Variants in ZFHX3 observed in about 807,000 individuals in gnomAD.
The protein encoded by ZFHX3 is zinc finger homeobox protein 3.
ZFHX3 carries 42 observed loss-of-function variants against 279.1 expected under a neutral mutation model. The observed-to-expected ratio is 0.15, with a 90% CI of 0.12 to 0.19. The LOEUF (loss-of-function observed/expected upper bound fraction) is 0.19, where lower values mean the gene tolerates loss of function less well. ZFHX3 is among the 10% of genes least tolerant of loss of function. The pLI is 1.00. For missense variants in ZFHX3, 4,981 were observed against 4,754.0 expected, an observed-to-expected ratio of 1.05 and a Z score of -1.40; for synonymous variants, 2,293 against 1,957.8, an observed-to-expected ratio of 1.17 and a Z score of -4.52.
chr16:72,975,832 G>A (rs375146206), intron 1 of ZFHX3, among the ~76,000 whole-genome samples: 12 of 152,272 alleles, frequency 7.9e-5, no homozygotes, highest in South Asian at 2.1e-4. Flanking sequence ...CCAATGCTGC[G>A]TTTGGGTCAA....
chr16:73,768,806 TA>T (rs2053983681), intron 1 of ZFHX3, among the ~76,000 whole-genome samples: 1 of 152,138 alleles, frequency 6.6e-6, no homozygotes, highest in Admixed American at 6.5e-5. Context: ...AAGTGATGAG[TA>T]GTGGCGACCT....
chr16:73,179,961 T>C (rs1192406795), intron 5 of ZFHX3, among the ~76,000 whole-genome samples: 2 of 151,996 alleles, frequency 1.3e-5, no homozygotes, highest in Non-Finnish European at 2.9e-5. Flanking sequence ...TCGGGCACAA[T>C]GAGGGGAAAA....
At chr16:72,823,596 T>C (rs2036855272) in intron 5 of ZFHX3, among the ~76,000 whole-genome samples, 2 of 152,222 alleles carry the variant, frequency 1.3e-5, no homozygotes, top group Non-Finnish European at 2.9e-5. Context: ...GAGAAAGCCT[T>C]GAGCCTTTTA....
At chr16:73,248,219 T>C (rs1249156613) in intron 5 of ZFHX3, among the ~76,000 whole-genome samples, 1 of 151,944 alleles carries the variant, frequency 6.6e-6, no homozygotes, top group African/African-American at 2.4e-5. Flanking sequence ...TATATGTGTG[T>C]GTGTATACTG....
At chr16:73,468,105 T>C (rs2018603443) in intron 2 of ZFHX3, among the ~76,000 whole-genome samples, 1 of 152,218 alleles carries the variant, frequency 6.6e-6, no homozygotes, top group Non-Finnish European at 1.5e-5. Flanking sequence ...AACAACTGAC[T>C]TAAACAAGAT....
intron 2 of ZFHX3, among the ~76,000 whole-genome samples, chr16:73,525,586 G>T (rs946141245): frequency 6.6e-6 from 1 of 151,974 alleles, no homozygotes; most frequent in Non-Finnish European, 1.5e-5. Flanking sequence ...TTGGTACAAG[G>T]GTACAATTTT....
intron 6 of ZFHX3, among the ~76,000 whole-genome samples, chr16:73,142,222 C>T (rs1196354016): frequency 6.6e-6 from 1 of 152,220 alleles, no homozygotes; most frequent in Non-Finnish European, 1.5e-5. Flanking sequence ...GACCTTGTGC[C>T]TCTGGCCTTT....
intron 5 of ZFHX3, among the ~76,000 whole-genome samples, chr16:73,170,127 G>A (rs1340865305): frequency 6.7e-6 from 1 of 150,266 alleles, no homozygotes. Context: ...GATTATTAAT[G>A]TCCTGATGCT....
intron 3 of ZFHX3, among the ~76,000 whole-genome samples, chr16:73,409,859 A>C (rs1413131535): frequency 2.0e-5 from 3 of 152,208 alleles, no homozygotes; most frequent in Non-Finnish European, 4.4e-5. Flanking sequence ...AGCCAGGAAC[A>C]GAAAGACAAA....
intron 3 of ZFHX3, among the ~76,000 whole-genome samples, chr16:72,891,835 G>C (rs532303123): frequency 6.6e-6 from 1 of 152,212 alleles, no homozygotes; most frequent in Non-Finnish European, 1.5e-5. Context: ...AGCCATGGCA[G>C]GCACACAACA....
chr16:73,459,768 C>T (rs963351304), intron 2 of ZFHX3, among the ~76,000 whole-genome samples: 1 of 152,116 alleles, frequency 6.6e-6, no homozygotes, highest in African/African-American at 2.4e-5. Flanking sequence ...GCGCCTTCCT[C>T]ACAAGGTGGC....
Position 72,904,417 on chromosome 16 carries a change from A to C in ZFHX3, c.3217-14455T>G, listed in dbSNP as rs564586251. Among the ~76,000 whole-genome samples, 295 of 148,826 alleles carry C rather than the reference A, an allele frequency of 2.0e-3. 1 individual carries two copies. Among genetic ancestry groups the C allele is most frequent in the African/African-American group, 7.1e-3 (284 of 39,756 alleles). On this transcript the variant is annotated intron_variant, in intron 3 of 9. Transcript: ENST00000268489. ...AAATAAATAAATAAATAAATAAATA[A>C]ATAAAAATTGTGGGCTGAAAGTTTG...
At chr16:72,827,377 T>A (rs143233771) in intron 5 of ZFHX3, among the ~76,000 whole-genome samples, 2 of 152,224 alleles carry the variant, frequency 1.3e-5, no homozygotes, top group Non-Finnish European at 2.9e-5. Context: ...CCTACAGAAA[T>A]AGGTACTATT....
chr16:72,840,269 A>C (rs2037312502), intron 4 of ZFHX3, among the ~76,000 whole-genome samples: 1 of 152,230 alleles, frequency 6.6e-6, no homozygotes, highest in Non-Finnish European at 1.5e-5. Flanking sequence ...AACAGGATGT[A>C]CCAGAACTGA....
intron 2 of ZFHX3, among the ~76,000 whole-genome samples, chr16:73,635,128 G>C (rs1033152139): frequency 1.3e-5 from 2 of 152,082 alleles, no homozygotes; most frequent in African/African-American, 4.8e-5. Context: ...ACTCAAATTT[G>C]CAAACTATCA....
At position 72,787,423 on chromosome 16, in the gene ZFHX3, G is replaced by A. The variant is rs202087317; in HGVS notation, c.10853C>T (p.Pro3618Leu). The change falls in exon 10 of 10, where the codon CCG (proline) becomes CTG (leucine). Residue 3618 changes from proline (P) to leucine (L), a missense_variant. Coordinates refer to ENST00000268489, the MANE Select transcript of ZFHX3 (RefSeq NM_006885.4). The stretch of plus-strand genomic sequence containing the variant: ...TGCCGAAGCCCGGGAGACCACTTGC[G>A]GCCAAGACTTCCTGGAGGCGTGGGG... ...ASPHASRKSW[P>L]QVVSRASAAK... is the part of the protein sequence containing the mutation. 97 of 1,602,242 alleles carry A rather than the reference G, an allele frequency of 6.1e-5. No homozygotes were observed. The highest frequency in any genetic ancestry group is 5.0e-4 in the Middle Eastern group (3 of 6,028).
chr16:72,970,261 T>A (rs1202801679), intron 1 of ZFHX3, among the ~76,000 whole-genome samples: 3 of 151,894 alleles, frequency 2.0e-5, no homozygotes, highest in Non-Finnish European at 4.4e-5. Flanking sequence ...TCAACCACCA[T>A]GAATCAAAAC....
intron 5 of ZFHX3, among the ~76,000 whole-genome samples, chr16:73,168,217 T>TTTTCTTTCTTTCTTTC (rs1567408155): frequency 1.5e-4 from 16 of 108,650 alleles, no homozygotes; most frequent in African/African-American, 7.1e-4. Flanking sequence ...TTTGTTTTCT[T>TTTTCTTTCTTTCTTTC]TCTTTCTTTC....
chr16:73,717,811 C>T lies in ZFHX3; in HGVS notation c.-1607-37571G>A, dbSNP rs375527487. Among the ~76,000 whole-genome samples the T allele has an allele frequency of 7.9e-5, 12 of 152,244 alleles. No homozygotes were observed. The East Asian group carries it at 1.2e-3, about 15-fold the overall frequency. ...AAGTGATAGCCGCTTAAGATTTTTA[C>T]GAGACATTGTTCCAGAGGCGGACAT... On this transcript the variant is annotated intron_variant, in intron 1 of 17. Transcript: ENST00000641206.
Sources: allele counts gnomAD v4.1 joint callset (sites outside exome capture counted in the v4.1 genomes callset), GRCh38; gene constraint gnomAD v4.1.1; transcripts MANE v1.5; gene names NCBI Gene and HGNC (gene_info 2026-07-23, HGNC 2026-07-21).